The following NDUFC2 variants were observed in gnomAD, a reference collection of about 807,000 sequenced individuals.
NDUFC2 encodes NADH:ubiquinone oxidoreductase subunit C2, also known as NADH dehydrogenase [ubiquinone] 1 subunit C2.
Under a neutral mutation model 10.1 loss-of-function variants are expected in NDUFC2, and 2 were observed. That is an observed-to-expected ratio of 0.20 (90% confidence interval 0.08 to 0.62). The LOEUF is 0.62. NDUFC2 is among the 20% of genes least tolerant of loss of function. The probability of loss-of-function intolerance (pLI) is 0.87; values close to 1 mark genes in which losing one functional copy is unlikely to be tolerated. For missense variants in NDUFC2, 156 were observed against 159.6 expected, an observed-to-expected ratio of 0.98 and a Z score of 0.12; for synonymous variants, 61 against 63.6, an observed-to-expected ratio of 0.96 and a Z score of 0.20.
intron 1 of NDUFC2, among the ~76,000 whole-genome samples, chr11:78,078,123 G>A (rs1264996948): frequency 6.6e-6 from 1 of 152,160 alleles, no homozygotes; most frequent in Non-Finnish European, 1.5e-5. Context: ...GGCAAAAGAG[G>A]TACAAGTGTG....
At chr11:78,071,855 T>C (rs78099350) in intron 2 of NDUFC2, among the ~76,000 whole-genome samples, 42 of 152,174 alleles carry the variant, frequency 2.8e-4, no homozygotes, top group South Asian at 6.2e-4. Context: ...TATAAAGTAA[T>C]ATAGGGCAGG....
Position 78,068,902 on chromosome 11 carries a change from C to T in NDUFC2, c.*1085G>A, listed in dbSNP as rs1348925683. ...GTACTTTTTTTTTTGACGGGGTCTC[C>T]TTTGTCACCCAGGCTGGAGTGTCAC... On this transcript the variant is annotated 3_prime_UTR_variant, in exon 3 of 3. Coordinates refer to ENST00000281031, the MANE Select transcript of NDUFC2 (RefSeq NM_004549.6). 1 of 151,666 alleles carries T rather than the reference C, an allele frequency of 6.6e-6. No homozygotes were observed. The highest frequency in any genetic ancestry group is 1.9e-4 in the East Asian group (1 of 5,194). 9.4% of individuals were successfully genotyped at this position (151,666 alleles called of 1,614,324 possible).
At chr11:78,078,745 A>T (rs1859363831) in intron 1 of NDUFC2, among the ~76,000 whole-genome samples, 2 of 6,914 alleles carry the variant, frequency 2.9e-4, no homozygotes, top group Non-Finnish European at 6.4e-4. Flanking sequence ...TTTTTTTTTG[A>T]GACAGGGTCT....
intron 2 of NDUFC2, among the ~76,000 whole-genome samples, chr11:78,071,254 A>ATTTTTT (rs34320551): frequency 7.8e-6 from 1 of 127,746 alleles, no homozygotes; most frequent in Non-Finnish European, 1.6e-5. Flanking sequence ...TAACAGAAGA[A>ATTTTTT]TTTTTTTTTT....
chr11:78,079,479 C>T, intron 1 of NDUFC2, 100 bp downstream of exon 1: 1 of 1,438,166 alleles, frequency 7.0e-7, no homozygotes, highest in Non-Finnish European at 9.1e-7. Context: ...GGCAAAAAGG[C>T]ACGGAAAAGC....
In NDUFC2 at chr11:78,079,616, A is replaced by C. The variant is rs1013401224; in HGVS notation, c.129T>G (p.Ile43Met). 2.6e-6 allele frequency: 4 copies of C among 1,565,788 alleles called. No homozygotes were observed. The highest frequency in any genetic ancestry group is 3.5e-6 in the Non-Finnish European group (4 of 1,155,798). ...IGFLGYCSGL[I>M]DNLIRRRPIA... Reference sequence around the variant, plus strand: ...TCGGCCTCCGCCGGATTAGGTTATCAATCAGGCCGGAGCAGTAGCCCAAGA... The same window carrying C: ...TCGGCCTCCGCCGGATTAGGTTATCCATCAGGCCGGAGCAGTAGCCCAAGA... The change falls in exon 1 of 3, where the codon ATT becomes ATG. Residue 43 changes from isoleucine to methionine, a missense_variant. Coordinates refer to ENST00000281031, the MANE Select transcript of NDUFC2 (RefSeq NM_004549.6).
In NDUFC2 at chr11:78,076,300, C is replaced by T. The variant is rs966284269; in HGVS notation, c.167-3159G>A. ...GGGATTACAGGCATGTGCCATCACG[C>T]CTGGCTAATTTTTGTATTTTTAGTA... On this transcript the variant is annotated intron_variant, in intron 1 of 2. Transcript: ENST00000281031. Among the ~76,000 whole-genome samples, 55 of 152,154 alleles carry T rather than the reference C, an allele frequency of 3.6e-4. 1 individual carries two copies. Among genetic ancestry groups the T allele is most frequent in the Admixed American group, 2.3e-3 (35 of 15,270 alleles).
intron 1 of NDUFC2, 77 bp downstream of exon 1, chr11:78,079,502 G>C (rs891304302): frequency 6.7e-7 from 1 of 1,502,870 alleles, no homozygotes; most frequent in Non-Finnish European, 8.9e-7. Flanking sequence ...AGCACCTCAG[G>C]GGGGCCTACG....
chr11:78,076,784 G>A (rs1859268619), intron 1 of NDUFC2, among the ~76,000 whole-genome samples: 1 of 152,122 alleles, frequency 6.6e-6, no homozygotes, highest in Non-Finnish European at 1.5e-5. Flanking sequence ...AACTAACAAC[G>A]AGATTAAGTG....
At chr11:78,072,924 T>C in intron 2 of NDUFC2, 74 bp downstream of exon 2, 2 of 1,563,818 alleles carry the variant, frequency 1.3e-6, no homozygotes, top group Non-Finnish European at 1.7e-6. Context: ...TCTAAAGCCA[T>C]ACACATGGAT....
At chr11:78,070,179 A>G (rs1858940605) in intron 2 of NDUFC2, 143 bp from the exon 3 acceptor site, 1 of 660,944 alleles carries the variant, frequency 1.5e-6, no homozygotes, top group African/African-American at 1.8e-5. Context: ...AAGTTCATAA[A>G]TTGAAATGTA....
At position 78,069,924 on chromosome 11, in the gene NDUFC2, C is replaced by T. The variant is rs763466703; in HGVS notation, c.*63G>A. On this transcript the variant is annotated 3_prime_UTR_variant, in exon 3 of 3. Transcript: ENST00000281031. ...CATAAGCTTCAACTGTCATAAGAAA[C>T]ATGTTCCATCAAATTCAGAAACAGC... is the stretch of plus-strand genomic sequence containing the variant. 1.4e-5 allele frequency: 22 copies of T among 1,613,452 alleles called. No homozygotes were observed. Among genetic ancestry groups the T allele is most frequent in the Non-Finnish European group, 1.8e-5 (21 of 1,179,842 alleles).
intron 1 of NDUFC2, 113 bp downstream of exon 1, chr11:78,079,466 C>G: frequency 5.0e-6 from 7 of 1,411,156 alleles, no homozygotes; most frequent in African/African-American, 1.5e-5. Context: ...ATGGGGCCAG[C>G]TAGGCAAAAA....
At chr11:78,077,733 T>C (rs1477105803) in intron 1 of NDUFC2, among the ~76,000 whole-genome samples, 4 of 152,038 alleles carry the variant, frequency 2.6e-5, no homozygotes, top group Non-Finnish European at 5.9e-5. Context: ...TTTTTTAAAT[T>C]TTTTTGTAGA....
At chr11:78,071,034 C>G (rs759297849) in intron 2 of NDUFC2, among the ~76,000 whole-genome samples, 1 of 152,104 alleles carries the variant, frequency 6.6e-6, no homozygotes, top group East Asian at 1.9e-4. Context: ...TATGCATTCC[C>G]GATACATCCA....
intron 2 of NDUFC2, among the ~76,000 whole-genome samples, chr11:78,071,182 ATAAGACC>A (rs1473343916): frequency 6.6e-6 from 1 of 152,136 alleles, no homozygotes; most frequent in Admixed American, 6.6e-5. Flanking sequence ...TTAGAGCTAA[ATAAGACC>A]TTAGAGATCA....
In NDUFC2 at chr11:78,069,851, G is replaced by A. The variant is rs749304252; in HGVS notation, c.*136C>T. 1.9e-6 allele frequency: 3 copies of A among 1,570,816 alleles called. No homozygotes were observed. Among genetic ancestry groups the A allele is most frequent in the South Asian group, 2.3e-5 (2 of 87,340 alleles). On this transcript the variant is annotated 3_prime_UTR_variant, in exon 3 of 3. Transcript: ENST00000281031. ...TTTCTTACAACAATAAAGAGTCAGA[G>A]TACTCATGGTACGTATTTTAATTAC...
At chr11:78,078,657 C>T (rs1246422380) in intron 1 of NDUFC2, among the ~76,000 whole-genome samples, 1 of 149,898 alleles carries the variant, frequency 6.7e-6, no homozygotes, top group Non-Finnish European at 1.5e-5. Context: ...GTCCTCAGAC[C>T]AGCAGCAGCA....
intron 1 of NDUFC2, 120 bp downstream of exon 1, chr11:78,079,459 G>C (rs913418517): frequency 2.5e-5 from 34 of 1,381,382 alleles, no homozygotes; most frequent in Middle Eastern, 2.6e-4. Flanking sequence ...AGGCGAGATG[G>C]GGCCAGCTAG....
Sources: allele counts gnomAD v4.1 joint callset (sites outside exome capture counted in the v4.1 genomes callset), GRCh38; gene constraint gnomAD v4.1.1; transcripts MANE v1.5; gene names NCBI Gene and HGNC (gene_info 2026-07-23, HGNC 2026-07-21).